The following RASSF8 variants were observed in gnomAD, a reference collection of about 807,000 sequenced individuals.
RASSF8 encodes the protein ras association domain-containing protein 8.
In RASSF8, 22 loss-of-function variants were observed where a neutral mutation model predicts 48.5. That is an observed-to-expected ratio of 0.45 (90% CI 0.32 to 0.65). RASSF8 has a LOEUF of 0.65. Among genes scored for constraint, RASSF8 ranks in the 30% least tolerant of loss-of-function variants. The pLI is 0.03. For synonymous variants in RASSF8, 127 were observed against 171.5 expected, an observed-to-expected ratio of 0.74 and a Z score of 2.03; for missense variants, 418 against 489.2, an observed-to-expected ratio of 0.85 and a Z score of 1.37.
chr12:25,978,144 C>T (rs983954397), intron 1 of RASSF8, among the ~76,000 whole-genome samples: 6 of 152,192 alleles, frequency 3.9e-5, no homozygotes, highest in Non-Finnish European at 8.8e-5. Flanking sequence ...ATGAACTCTT[C>T]TAACACAATT....
chr12:26,073,590 A>G (rs1460410994), downstream of RASSF8, among the ~76,000 whole-genome samples: 10 of 152,012 alleles, frequency 6.6e-5, no homozygotes, highest in East Asian at 1.9e-3. Flanking sequence ...TAAAAACAAA[A>G]TAGCTGGGCG....
chr12:26,014,902 T>TA (rs892037152), intron 2 of RASSF8, among the ~76,000 whole-genome samples: 63 of 148,718 alleles, frequency 4.2e-4, no homozygotes, highest in South Asian at 8.5e-4. Context: ...AAAACAGCAT[T>TA]AAAAAAAAAA....
intron 2 of RASSF8, among the ~76,000 whole-genome samples, chr12:26,028,685 TG>T (rs1942966804): frequency 6.6e-6 from 1 of 152,200 alleles, no homozygotes; most frequent in African/African-American, 2.4e-5. Context: ...AGCTCCTTCT[TG>T]TATTATATGT....
At chr12:25,992,466 G>C (rs1942036951) in intron 1 of RASSF8, among the ~76,000 whole-genome samples, 1 of 152,220 alleles carries the variant, frequency 6.6e-6, no homozygotes, top group Admixed American at 6.5e-5. Context: ...AACAGTACCA[G>C]TGAGTACTAA....
At chr12:26,024,898 A>G (rs1326172853) in intron 2 of RASSF8, among the ~76,000 whole-genome samples, 1 of 152,144 alleles carries the variant, frequency 6.6e-6, no homozygotes, top group Non-Finnish European at 1.5e-5. Context: ...CGGAGCTTGC[A>G]GTGAGCCAAG....
At chr12:26,016,454 ACATTTTTGCTG>A (rs1270222184) in intron 2 of RASSF8, among the ~76,000 whole-genome samples, 1 of 152,048 alleles carries the variant, frequency 6.6e-6, no homozygotes, top group African/African-American at 2.4e-5. Context: ...CTTAATATGC[ACATTTTTGCTG>A]CCTGTTCTGG....
At chr12:26,005,068 A>T (rs2136998248) in intron 2 of RASSF8, among the ~76,000 whole-genome samples, 1 of 152,252 alleles carries the variant, frequency 6.6e-6, no homozygotes, top group Admixed American at 6.5e-5. Flanking sequence ...CTCTATCCAA[A>T]GGTAATCCTC....
intron 2 of RASSF8, among the ~76,000 whole-genome samples, chr12:26,053,989 T>G (rs1943548809): frequency 6.6e-6 from 1 of 152,264 alleles, no homozygotes; most frequent in Admixed American, 6.5e-5. Flanking sequence ...AAGCCACTGT[T>G]TGTAGTAACT....
rs1420036722 is a variant in RASSF8 at position 26,021,044 on chromosome 12, A to G, written c.-109+25914A>G. On this transcript the variant is annotated intron_variant, in intron 2 of 5. Transcript: ENST00000689635. The stretch of plus-strand genomic sequence containing the variant: ...ATGTAAAAATCTAGGAGAATTCTTT[A>G]CTCCAATTACTTCGAAAATCTTTTC... Among the ~76,000 whole-genome samples the G allele has an allele frequency of 3.3e-5, 5 of 152,184 alleles. No individual in the cohort carries two copies. In the South Asian group the frequency reaches 8.3e-4, roughly 25 times the overall value.
chr12:26,048,437 C>T (rs982134601), intron 2 of RASSF8, among the ~76,000 whole-genome samples: 1 of 152,138 alleles, frequency 6.6e-6, no homozygotes, highest in Admixed American at 6.5e-5. Flanking sequence ...AAGAAAGATG[C>T]ATATGCTGAG....
intron 1 of RASSF8, among the ~76,000 whole-genome samples, chr12:25,984,084 T>C (rs578099572): frequency 1.3e-5 from 2 of 152,302 alleles, no homozygotes; most frequent in South Asian, 2.1e-4. Context: ...TTTCTGGAGA[T>C]AGGGTCTGGC....
At chr12:26,060,862 C>T (rs1943727512) in intron 3 of RASSF8, among the ~76,000 whole-genome samples, 1 of 152,064 alleles carries the variant, frequency 6.6e-6, no homozygotes, top group Admixed American at 6.6e-5. Context: ...TGTCCAGAAA[C>T]CTGAAGATAT....
At chr12:26,044,261 C>G (rs993823012) in intron 2 of RASSF8, among the ~76,000 whole-genome samples, 1 of 152,086 alleles carries the variant, frequency 6.6e-6, no homozygotes, top group Non-Finnish European at 1.5e-5. Flanking sequence ...AGAGATTCCA[C>G]AAGCAATCTC....
intron 2 of RASSF8, among the ~76,000 whole-genome samples, chr12:26,028,690 T>C (rs1942967039): frequency 6.6e-6 from 1 of 152,182 alleles, no homozygotes; most frequent in South Asian, 2.1e-4. Flanking sequence ...CTTCTTGTAT[T>C]ATATGTAAGG....
Position 26,070,044 on chromosome 12 carries a change from T to G in RASSF8, c.*1226T>G. 1 of 983,420 alleles carries G rather than the reference T, an allele frequency of 1.0e-6. No individual in the cohort carries two copies. The highest frequency in any genetic ancestry group is 1.2e-6 in the Non-Finnish European group (1 of 828,060). 60.9% of individuals were successfully genotyped at this position (983,420 alleles called of 1,614,324 possible). ...TGATGAGTAGTGACTTAACTAAGAT[T>G]TACAAGTAATATTTAGACAGATTCA... On this transcript the variant is annotated 3_prime_UTR_variant, in exon 6 of 6. Transcript: ENST00000689635.
chr12:26,003,899 A>G (rs1243439713), intron 2 of RASSF8, among the ~76,000 whole-genome samples: 1 of 152,198 alleles, frequency 6.6e-6, no homozygotes, highest in Non-Finnish European at 1.5e-5. Flanking sequence ...TCAAGGGGCC[A>G]GGTGCGGTGG....
chr12:26,076,100 A>G (rs1265484956), downstream of RASSF8, among the ~76,000 whole-genome samples: 2 of 151,996 alleles, frequency 1.3e-5, no homozygotes, highest in Non-Finnish European at 2.9e-5. Flanking sequence ...ATATGACAGC[A>G]CTTCAGGTAT....
rs1941394779 is a variant in RASSF8 at position 25,967,888 on chromosome 12, T to TG, written c.-203+8740_-203+8741insG. Among the ~76,000 whole-genome samples the TG allele has an allele frequency of 2.6e-5, 4 of 152,198 alleles. No homozygotes were observed. In the South Asian group the frequency reaches 8.3e-4, roughly 32 times the overall value. On this transcript the variant is annotated intron_variant, in intron 1 of 5. Coordinates refer to ENST00000689635, the MANE Select transcript of RASSF8 (RefSeq NM_001394098.1). ...TGGAGTTAGAGACAACCCTGTCTGT[T>TG]CAAGTCATGCAAGGATGGGAGAAGA... is the stretch of plus-strand genomic sequence containing the variant.
intron 2 of RASSF8, among the ~76,000 whole-genome samples, chr12:26,025,027 TAAAA>T (rs896951508): frequency 6.6e-6 from 1 of 151,876 alleles, no homozygotes; most frequent in Non-Finnish European, 1.5e-5. Context: ...ATTATTTCAA[TAAAA>T]AAAGCATTTG....
Sources: gnomAD v4.1 joint callset for allele counts (sites outside exome capture counted in the v4.1 genomes callset) on GRCh38, gnomAD v4.1.1 for gene constraint, MANE v1.5 for transcripts, NCBI Gene and HGNC (gene_info 2026-07-23, HGNC 2026-07-21) for gene names.